The following RAPGEF6 variants were observed in gnomAD, a reference collection of about 807,000 sequenced individuals.
RAPGEF6 encodes PDZ domain containing guanine nucleotide exchange factor (GEF) 2.
A neutral mutation model predicts 171.4 loss-of-function variants in RAPGEF6; 56 were observed. The ratio of observed to expected loss-of-function variants is 0.33; its 90% CI spans 0.26 to 0.41. RAPGEF6 has a LOEUF of 0.41. RAPGEF6 is among the 10% of genes least tolerant of loss of function. RAPGEF6 has a pLI of 1.00. For missense variants in RAPGEF6, 1,674 were observed against 1,921.4 expected (o/e 0.87, Z 2.41); for synonymous variants, 692 against 650.1 (o/e 1.06, Z -0.98).
chr5:131,439,164 G>A (rs567605737), intron 24 of RAPGEF6, among the ~76,000 whole-genome samples: 3 of 152,046 alleles, frequency 2.0e-5, no homozygotes, highest in African/African-American at 4.8e-5. Context: ...TGATCCACCC[G>A]CCTCAGCTTC....
At chr5:131,510,692 T>C (rs1024797765) in intron 7 of RAPGEF6, among the ~76,000 whole-genome samples, 1 of 152,196 alleles carries the variant, frequency 6.6e-6, no homozygotes, top group Non-Finnish European at 1.5e-5. Context: ...CTTTCCACAG[T>C]GTGACAACTA....
Position 131,501,371 on chromosome 5 carries a change from T to C in RAPGEF6, c.1255-2764A>G, listed in dbSNP as rs78719138. 6.3e-3 allele frequency among the ~76,000 whole-genome samples: 961 copies of C among 151,876 alleles called. 7 individuals are homozygous for C. Among genetic ancestry groups the C allele is most frequent in the African/African-American group, 0.022 (911 of 41,422 alleles). ...AAAAAAATCAAATGATCAATCCTTC[T>C]ATGAGCAAAAGATGGTTATGATTTG... On this transcript the variant is annotated intron_variant, in intron 11 of 27. Transcript: ENST00000509018.
intron 3 of RAPGEF6, among the ~76,000 whole-genome samples, chr5:131,595,708 G>A (rs2150006845): frequency 6.6e-6 from 1 of 152,024 alleles, no homozygotes; most frequent in African/African-American, 2.4e-5. Context: ...CACAAAGGCA[G>A]GAATAAATCC....
intron 6 of RAPGEF6, among the ~76,000 whole-genome samples, chr5:131,530,537 A>G (rs1759303233): frequency 1.3e-5 from 2 of 152,228 alleles, no homozygotes; most frequent in Non-Finnish European, 2.9e-5. Flanking sequence ...GAAGTATAAC[A>G]AAATTCTAAG....
chr5:131,462,295 A>G (rs953968182), intron 18 of RAPGEF6, among the ~76,000 whole-genome samples: 1 of 152,210 alleles, frequency 6.6e-6, no homozygotes, highest in African/African-American at 2.4e-5. Flanking sequence ...GCATCTATTA[A>G]AGAGTAAAAA....
intron 9 of RAPGEF6, 91 bp from the exon 10 acceptor site, chr5:131,505,613 G>T: frequency 1.8e-6 from 2 of 1,141,100 alleles, no homozygotes; most frequent in South Asian, 3.2e-5. Context: ...TATATAACTT[G>T]AATAAAAAGG....
Position 131,427,309 on chromosome 5 carries a change from A to G in RAPGEF6, c.4781-18T>C. 1.3e-6 allele frequency: 2 copies of G among 1,586,076 alleles called. No individual in the cohort carries two copies. Among genetic ancestry groups the G allele is most frequent in the Non-Finnish European group, 1.7e-6 (2 of 1,156,368 alleles). Reference sequence around the variant, plus strand: ...TTCATTTTCTGAAAATAAAAAATATATAATTAACTGGCAGATCAGCATATT... The same window carrying G: ...TTCATTTTCTGAAAATAAAAAATATGTAATTAACTGGCAGATCAGCATATT... On this transcript the variant is annotated intron_variant, in intron 27 of 27. Coordinates refer to ENST00000509018, the MANE Select transcript of RAPGEF6 (RefSeq NM_016340.6).
chr5:131,586,147 T>C (rs946135505), intron 4 of RAPGEF6, among the ~76,000 whole-genome samples: 3 of 152,204 alleles, frequency 2.0e-5, no homozygotes, highest in Non-Finnish European at 2.9e-5. Context: ...CAAATTTTTC[T>C]ACATTAGAAT....
intron 1 of RAPGEF6, among the ~76,000 whole-genome samples, chr5:131,630,212 G>A (rs1197651089): frequency 6.6e-6 from 1 of 152,152 alleles, no homozygotes; most frequent in Non-Finnish European, 1.5e-5. Flanking sequence ...CAACACTAAG[G>A]CAAGACCCTC....
At chr5:131,581,704 G>C (rs1361481514) in intron 4 of RAPGEF6, among the ~76,000 whole-genome samples, 2 of 152,040 alleles carry the variant, frequency 1.3e-5, no homozygotes, top group African/African-American at 4.8e-5. Flanking sequence ...TAAAAAGACA[G>C]GAATGTAAGG....
rs976002124 is a variant in RAPGEF6, at chr5:131,493,675, GT to G, written c.1528-891del. Among the ~76,000 whole-genome samples, 511 of 146,582 alleles carry G rather than the reference GT, an allele frequency of 3.5e-3. 6 individuals are homozygous for G. Among genetic ancestry groups the G allele is most frequent in the African/African-American group, 0.012 (482 of 40,092 alleles). On this transcript the variant is annotated intron_variant, in intron 13 of 27. Transcript: ENST00000509018. ...CTCATGTCCATAACAAAAAGCTAAA[GT>G]TTTTTTTTTTTAAAGCAGACACCAA...
chr5:131,507,860 G>A (rs1757468679), intron 9 of RAPGEF6, among the ~76,000 whole-genome samples: 1 of 152,122 alleles, frequency 6.6e-6, no homozygotes, highest in Admixed American at 6.6e-5. Flanking sequence ...TTTGTGCAGA[G>A]TCTACTGCGA....
chr5:131,517,267 T>C (rs547628032), intron 7 of RAPGEF6, among the ~76,000 whole-genome samples: 1 of 152,186 alleles, frequency 6.6e-6, no homozygotes, highest in Non-Finnish European at 1.5e-5. Context: ...GCATCTAAAA[T>C]AAAAGTTGAA....
chr5:131,497,685 T>A (rs1413439463), intron 12 of RAPGEF6, among the ~76,000 whole-genome samples: 2 of 152,232 alleles, frequency 1.3e-5, no homozygotes, highest in Admixed American at 6.5e-5. Flanking sequence ...TGTGCAAGCC[T>A]GTAGTTTTAG....
intron 4 of RAPGEF6, among the ~76,000 whole-genome samples, chr5:131,585,702 T>A (rs1763218869): frequency 2.0e-5 from 3 of 152,106 alleles, no homozygotes; most frequent in African/African-American, 7.2e-5. Flanking sequence ...GGCGGGCACC[T>A]GTAATCCCAG....
intron 17 of RAPGEF6, 113 bp from the exon 18 acceptor site, chr5:131,464,394 AT>A: frequency 1.3e-6 from 1 of 754,476 alleles, no homozygotes. Context: ...ATACATTTCT[AT>A]TTCACAATAT....
At chr5:131,607,300 T>C (rs899342362) in intron 1 of RAPGEF6, among the ~76,000 whole-genome samples, 10 of 152,292 alleles carry the variant, frequency 6.6e-5, no homozygotes, top group African/African-American at 2.2e-4. Flanking sequence ...TGTATTCTAT[T>C]TAATTTATGG....
chr5:131,602,007 C>T (rs1027936578), intron 3 of RAPGEF6, among the ~76,000 whole-genome samples: 2 of 150,292 alleles, frequency 1.3e-5, no homozygotes, highest in Non-Finnish European at 3.0e-5. Context: ...TGTACTCCAG[C>T]CTGGGCGACA....
chr5:131,601,542 C>T (rs1764258234), intron 3 of RAPGEF6, among the ~76,000 whole-genome samples: 1 of 152,188 alleles, frequency 6.6e-6, no homozygotes, highest in Admixed American at 6.5e-5. Context: ...TATCCAAATA[C>T]CTGATAGAAA....
Sources: allele counts gnomAD v4.1 joint callset (sites outside exome capture counted in the v4.1 genomes callset), GRCh38; gene constraint gnomAD v4.1.1; transcripts MANE v1.5; gene names NCBI Gene and HGNC (gene_info 2026-07-23, HGNC 2026-07-21).